Variants in LIM2 observed in about 807,000 individuals in gnomAD.
LIM2 encodes lens intrinsic membrane protein 2.
A neutral mutation model predicts 19.0 loss-of-function variants in LIM2; 14 were observed. The ratio of observed to expected loss-of-function variants is 0.74; its 90% CI spans 0.49 to 1.15. The LOEUF (loss-of-function observed/expected upper bound fraction) is 1.15. LIM2 is among the 50% of genes most tolerant of loss of function. The pLI is 0.00. For synonymous variants in LIM2, 78 were observed against 89.6 expected (o/e 0.87, Z 0.73); for missense variants, 230 against 243.5 (o/e 0.94, Z 0.37).
chr19:51,385,471 G>A (rs1302037612), intron 2 of LIM2, among the ~76,000 whole-genome samples: 1 of 152,156 alleles, frequency 6.6e-6, no homozygotes, highest in African/African-American at 2.4e-5. Context: ...ACAGTGAGCC[G>A]AGATAGTGCC....
At chr19:51,386,282 C>G (rs1011768673) in intron 2 of LIM2, among the ~76,000 whole-genome samples, 1 of 151,006 alleles carries the variant, frequency 6.6e-6, no homozygotes, top group Non-Finnish European at 1.5e-5. Flanking sequence ...CACCACCATG[C>G]CTGGCTAATT....
Position 51,380,630 on chromosome 19 carries a change from A to T in LIM2, c.335T>A (p.Val112Asp). Residue 112 changes from valine to aspartate, a missense_variant, in exon 4 of 5, where the codon GTC becomes GAC. By Grantham distance (152) the Val-to-Asp change is radical (BLOSUM62 -3). Coordinates refer to ENST00000596399, the MANE Select transcript of LIM2 (RefSeq NM_001161748.2). ...AGTGTAGATGGCCAAGGCCAACACG[A>T]CGAAAAGGGCTGGGGAGAGAGGGCG... ...GIMFFSSTLF[V>D]VLALAIYTGV... 6.2e-7 allele frequency: 1 copy of T among 1,613,398 alleles called. No individual in the cohort carries two copies.
intron 4 of LIM2, 48 bp from the exon 5 acceptor site, chr19:51,380,310 C>T (rs761607912): frequency 2.6e-5 from 41 of 1,603,806 alleles, no homozygotes; most frequent in African/African-American, 6.7e-5. Flanking sequence ...TCCCCCAGCT[C>T]CATTTCCACC....
chr19:51,384,271 A>T (rs776801389), intron 2 of LIM2, among the ~76,000 whole-genome samples: 1 of 152,060 alleles, frequency 6.6e-6, no homozygotes, highest in Non-Finnish European at 1.5e-5. Context: ...TCTCTACTAA[A>T]AATACAAAAA....
chr19:51,384,464 G>A (rs1046562564), intron 2 of LIM2, among the ~76,000 whole-genome samples: 7 of 152,052 alleles, frequency 4.6e-5, no homozygotes, highest in African/African-American at 7.2e-5. Context: ...AAAGACTGCC[G>A]TCCTTATAAA....
chr19:51,387,142 C>T, intron 2 of LIM2, 127 bp downstream of exon 2: 1 of 1,576,990 alleles, frequency 6.3e-7, no homozygotes, highest in Non-Finnish European at 8.7e-7. Context: ...TGCTGAGTGA[C>T]CTTGGGTTGC....
Position 51,382,567 on chromosome 19 carries a change from G to T in LIM2, c.176C>A (p.Ala59Glu), listed in dbSNP as rs749857935. The T allele has an allele frequency of 6.2e-7, 1 of 1,613,250 alleles. No homozygotes were observed. The highest frequency in any genetic ancestry group is 8.5e-7 in the Non-Finnish European group (1 of 1,179,842). ...GAAGGCCCGGGTGGCATTCCAGTAT[G>T]CTGTGGGAGCACCCCATGGTCATTC... ...NKCYLQTDSI[A>E]YWNATRAFMI... Residue 59 changes from alanine (A) to glutamate (E), a missense_variant and splice_region_variant, in exon 3 of 5, where the codon GCA (alanine) becomes GAA (glutamate). Transcript: ENST00000596399.
chr19:51,380,232 T>C lies in LIM2; in HGVS notation c.491A>G (p.His164Arg). Residue 164 changes from histidine to arginine, a missense_variant, in exon 5 of 5, where the codon CAT becomes CGT. Coordinates refer to ENST00000596399, the MANE Select transcript of LIM2 (RefSeq NM_001161748.2). ...GGGTGTAGACAGGCGCCGGCATTCATGCACCCGGTAGGCGCACATGTAGAA... is the reference window on the plus strand; with the variant it reads ...GGGTGTAGACAGGCGCCGGCATTCACGCACCCGGTAGGCGCACATGTAGAA... ...GIFYMCAYRV[H>R]ECRRLSTPR 6.2e-7 allele frequency: 1 copy of C among 1,613,850 alleles called. No homozygotes were observed. Among genetic ancestry groups the C allele is most frequent in the Non-Finnish European group, 8.5e-7 (1 of 1,179,922 alleles).
At chr19:51,380,739 G>C (rs763322777) in intron 3 of LIM2, 100 bp from the exon 4 acceptor site, 21 of 1,145,840 alleles carry the variant, frequency 1.8e-5, no homozygotes, top group Non-Finnish European at 2.2e-5. Context: ...TAAGATTGGG[G>C]AAAGGGGTGG....
At chr19:51,380,769 A>T (rs1194349096) in intron 3 of LIM2, 130 bp from the exon 4 acceptor site, 5 of 1,047,794 alleles carry the variant, frequency 4.8e-6, no homozygotes, top group Non-Finnish European at 7.2e-6. Context: ...GGGGGTGGGG[A>T]TAGGAGTGAG....
In LIM2 at chr19:51,380,083, T is replaced by C. The variant is rs887722485; in HGVS notation, c.*118A>G. ...TCAGCCTCCCCCCACAAACCCACAG[T>C]CCAGAACTGAGCCCCCTCATTCCCC... is the stretch of plus-strand genomic sequence containing the variant. On this transcript the variant is annotated 3_prime_UTR_variant, in exon 5 of 5. Transcript: ENST00000596399. The C allele has an allele frequency of 2.1e-6, 2 of 957,648 alleles. No homozygotes were observed. Among genetic ancestry groups the C allele is most frequent in the Non-Finnish European group, 3.3e-6 (2 of 606,332 alleles). The allele number at this position is 957,648 out of a possible 1,614,324, so 59.3% of individuals were successfully genotyped here.
intron 2 of LIM2, among the ~76,000 whole-genome samples, chr19:51,386,578 G>T (rs1987052283): frequency 6.9e-6 from 1 of 145,252 alleles, no homozygotes. Context: ...GTAATATAAT[G>T]GATTCTACAT....
At position 51,382,663 on chromosome 19, in the gene LIM2, T is replaced by G. The variant is rs1350014401; in HGVS notation, c.176-96A>C. The G allele has an allele frequency of 2.0e-6, 3 of 1,520,862 alleles. No individual in the cohort carries two copies. In the Admixed American group the frequency reaches 5.1e-5, roughly 26 times the overall value. The allele number at this position is 1,520,862 out of a possible 1,614,324, so 94.2% of individuals were successfully genotyped here. On this transcript the variant is annotated intron_variant, in intron 2 of 4. Coordinates refer to ENST00000596399, the MANE Select transcript of LIM2 (RefSeq NM_001161748.2). ...TGAAAATGCCTTGCCCCTTTCCATA[T>G]CCCTAACCCAGCTCATCCTTCCCTT...
rs1301454807 is a variant in LIM2 at position 51,379,937 on chromosome 19, A to G, written c.*264T>C. 3 of 579,118 alleles carry G rather than the reference A, an allele frequency of 5.2e-6. No individual in the cohort carries two copies. Among genetic ancestry groups the G allele is most frequent in the African/African-American group, 1.9e-5 (1 of 53,472 alleles). The allele number at this position is 579,118 out of a possible 1,614,324, so 35.9% of individuals were successfully genotyped here. On this transcript the variant is annotated 3_prime_UTR_variant, in exon 5 of 5. Transcript: ENST00000596399. Reference sequence around the variant, plus strand: ...TTTCACATCAGTTTTATTAGGCCCCAGAAAGTTGCTCTAATGGATAGTCCA... The same window carrying G: ...TTTCACATCAGTTTTATTAGGCCCCGGAAAGTTGCTCTAATGGATAGTCCA...
At chr19:51,384,342 A>G (rs975730842) in intron 2 of LIM2, among the ~76,000 whole-genome samples, 1 of 151,998 alleles carries the variant, frequency 6.6e-6, no homozygotes, top group African/African-American at 2.4e-5. Flanking sequence ...GAGGCAGGAG[A>G]ATCACTTGAA....
chr19:51,380,182 T>C lies in LIM2; in HGVS notation c.*19A>G, dbSNP rs751914192. The C allele has an allele frequency of 5.6e-6, 9 of 1,612,394 alleles. No individual in the cohort carries two copies. The highest frequency in any genetic ancestry group is 2.2e-5 in the East Asian group (1 of 44,876). On this transcript the variant is annotated 3_prime_UTR_variant, in exon 5 of 5. Coordinates refer to ENST00000596399, the MANE Select transcript of LIM2 (RefSeq NM_001161748.2). ...GCCTCACTTTAACTTCCAGATGAAGTTGGGGGACACATTTGGGCTCAGCGG... is the reference window on the plus strand; with the variant it reads ...GCCTCACTTTAACTTCCAGATGAAGCTGGGGGACACATTTGGGCTCAGCGG...
rs868788436 is a variant in LIM2 at position 51,387,286 on chromosome 19, A to G, written c.158T>C (p.Leu53Pro). ...WRYCLGNKCYLQTDSIAYWNA... is the reference protein window; with the variant it reads ...WRYCLGNKCYPQTDSIAYWNA... ...GGGCTCACCGATGCTGTCTGTCTGCAGGTAGCACTTGTTGCCCAGGCAGTA... is the reference window on the plus strand; with the variant it reads ...GGGCTCACCGATGCTGTCTGTCTGCGGGTAGCACTTGTTGCCCAGGCAGTA... The change falls in exon 2 of 5, where the codon CTG (leucine) becomes CCG (proline). Residue 53 changes from leucine to proline, a missense_variant. By Grantham distance (98) the Leu-to-Pro change is moderately conservative (BLOSUM62 -3). Transcript: ENST00000596399. The G allele has an allele frequency of 1.3e-5, 21 of 1,614,054 alleles. No homozygotes were observed. The African/African-American group carries it at 2.8e-4, about 22-fold the overall frequency.
At position 51,382,506 on chromosome 19, in the gene LIM2, G is replaced by A; in HGVS notation, c.237C>T (p.Ile79=). ...ILSALCAISG[I]IMGIMAFAHQ... The stretch of plus-strand genomic sequence containing the variant: ...GAGCGAAGGCCATGATGCCCATGAT[G>A]ATGCCGGAGATGGCGCATAGGGCAG... The change falls in exon 3 of 5, where the codon ATC becomes ATT. Residue 79 remains isoleucine, a synonymous_variant. Coordinates refer to ENST00000596399, the MANE Select transcript of LIM2 (RefSeq NM_001161748.2). 6.2e-7 allele frequency: 1 copy of A among 1,613,990 alleles called. No individual in the cohort carries two copies. Among genetic ancestry groups the A allele is most frequent in the Non-Finnish European group, 8.5e-7 (1 of 1,179,926 alleles).
In LIM2 at chr19:51,380,632, G is replaced by A. The variant is rs566729340; in HGVS notation, c.333C>T (p.Phe111=). Residue 111 remains phenylalanine, a synonymous_variant, in exon 4 of 5, where the codon TTC becomes TTT. Coordinates refer to ENST00000596399, the MANE Select transcript of LIM2 (RefSeq NM_001161748.2). ...TGTAGATGGCCAAGGCCAACACGAC[G>A]AAAAGGGCTGGGGAGAGAGGGCGGG... The part of the protein sequence containing the change: ...AGIMFFSSTL[F]VVLALAIYTG... The A allele has an allele frequency of 1.5e-4, 240 of 1,613,516 alleles. 1 individual carries two copies. The South Asian group carries it at 2.3e-3, about 15-fold the overall frequency.
Sources: allele counts gnomAD v4.1 joint callset (sites outside exome capture counted in the v4.1 genomes callset), GRCh38; gene constraint gnomAD v4.1.1; transcripts MANE v1.5; gene names NCBI Gene and HGNC (gene_info 2026-07-23, HGNC 2026-07-21).